Variants in DOCK3 observed in about 807,000 individuals in gnomAD.
DOCK3 encodes dedicator of cytokinesis 3.
In DOCK3, 60 loss-of-function variants were observed where a neutral mutation model predicts 265.6. The observed-to-expected ratio is 0.23, with a 90% CI of 0.18 to 0.28. DOCK3 has a LOEUF of 0.28. Ranked by LOEUF, DOCK3 falls within the 10% of genes least tolerant of loss-of-function variation. The pLI, the probability that DOCK3 is intolerant of heterozygous loss-of-function variation, is 1.00. For synonymous variants in DOCK3, 881 were observed against 938.0 expected (o/e 0.94, Z 1.11); for missense variants, 1,981 against 2,594.3 (o/e 0.76, Z 5.14).
intron 5 of DOCK3, among the ~76,000 whole-genome samples, chr3:50,978,477 C>A (rs1196113745): frequency 1.3e-5 from 2 of 152,168 alleles, no homozygotes; most frequent in Admixed American, 6.5e-5. Flanking sequence ...TGTCAGGGAC[C>A]CTCTTGAGGA....
intron 2 of DOCK3, among the ~76,000 whole-genome samples, chr3:50,806,665 A>G (rs908861687): frequency 4.6e-5 from 7 of 151,932 alleles, no homozygotes; most frequent in African/African-American, 1.5e-4. Flanking sequence ...CTTGAGCCCA[A>G]GCTTTGTGCA....
chr3:50,694,149 A>G (rs550004920), intron 1 of DOCK3, among the ~76,000 whole-genome samples: 1 of 152,190 alleles, frequency 6.6e-6, no homozygotes, highest in South Asian at 2.1e-4. Flanking sequence ...GGGCGCCTGT[A>G]ATCCCAGCTA....
chr3:50,694,001 G>A (rs1412614210), intron 1 of DOCK3, among the ~76,000 whole-genome samples: 1 of 151,518 alleles, frequency 6.6e-6, no homozygotes, highest in East Asian at 2.0e-4. Flanking sequence ...AAGTGTGGTG[G>A]CTCACGCCTG....
chr3:50,703,445 G>A (rs1481415859), intron 1 of DOCK3, among the ~76,000 whole-genome samples: 1 of 152,032 alleles, frequency 6.6e-6, no homozygotes, highest in Admixed American at 6.6e-5. Context: ...GTAGAATTTA[G>A]CAGTAAAGCC....
intron 1 of DOCK3, among the ~76,000 whole-genome samples, chr3:50,710,611 A>C (rs1266677945): frequency 6.6e-6 from 1 of 152,264 alleles, no homozygotes; most frequent in Non-Finnish European, 1.5e-5. Context: ...AGATTCCTTA[A>C]ATAACTAAAA....
At chr3:50,767,698 A>G (rs2040987553) in intron 1 of DOCK3, among the ~76,000 whole-genome samples, 1 of 152,156 alleles carries the variant, frequency 6.6e-6, no homozygotes, top group Non-Finnish European at 1.5e-5. Flanking sequence ...GAATCTATAA[A>G]TTACCTTGGG....
chr3:50,857,363 C>G (rs896110825), intron 3 of DOCK3, among the ~76,000 whole-genome samples: 1 of 152,110 alleles, frequency 6.6e-6, no homozygotes, highest in Non-Finnish European at 1.5e-5. Context: ...TCATATTGGT[C>G]TGTTCAGGAC....
intron 9 of DOCK3, among the ~76,000 whole-genome samples, chr3:51,099,781 T>C (rs923233429): frequency 2.0e-5 from 3 of 152,220 alleles, no homozygotes; most frequent in African/African-American, 4.8e-5. Flanking sequence ...AAGTAAATTG[T>C]ATCATATTTG....
chr3:51,194,063 A>T (rs1340142980), intron 12 of DOCK3, among the ~76,000 whole-genome samples: 1 of 151,600 alleles, frequency 6.6e-6, no homozygotes, highest in Non-Finnish European at 1.5e-5. Context: ...CCCTCTTAGC[A>T]CTGCTTTTAC....
At chr3:51,294,595 G>C (rs1022102071) in intron 27 of DOCK3, among the ~76,000 whole-genome samples, 1 of 151,098 alleles carries the variant, frequency 6.6e-6, no homozygotes, top group African/African-American at 2.4e-5. Context: ...GGAAGATGGC[G>C]TGAACCCGGG....
chr3:50,978,976 G>A (rs2077587662), intron 5 of DOCK3, among the ~76,000 whole-genome samples: 1 of 152,310 alleles, frequency 6.6e-6, no homozygotes, highest in East Asian at 1.9e-4. Flanking sequence ...CGCTTCCCGA[G>A]TGAGGCAATG....
intron 12 of DOCK3, among the ~76,000 whole-genome samples, chr3:51,191,388 A>G (rs937352631): frequency 1.4e-4 from 22 of 152,108 alleles, no homozygotes; most frequent in African/African-American, 4.8e-4. Flanking sequence ...AGAATGAGGA[A>G]TGGCTTCCCT....
chr3:51,096,707 T>C (rs2082872050), intron 9 of DOCK3, among the ~76,000 whole-genome samples: 1 of 152,216 alleles, frequency 6.6e-6, no homozygotes, highest in African/African-American at 2.4e-5. Flanking sequence ...TTGTGATCCT[T>C]TGGAGAAGAG....
intron 19 of DOCK3, among the ~76,000 whole-genome samples, chr3:51,234,195 G>A (rs114609015): frequency 6.6e-6 from 1 of 152,180 alleles, no homozygotes; most frequent in Non-Finnish European, 1.5e-5. Context: ...CAACTGGGAT[G>A]AGGTGACATC....
chr3:50,782,912 C>T (rs1184994913), intron 2 of DOCK3, among the ~76,000 whole-genome samples: 1 of 151,070 alleles, frequency 6.6e-6, no homozygotes, highest in Non-Finnish European at 1.5e-5. Flanking sequence ...TCCTGAGTTA[C>T]TTCACTTAGA....
chr3:50,924,734 G>C (rs1227897487), intron 4 of DOCK3, among the ~76,000 whole-genome samples: 1 of 152,226 alleles, frequency 6.6e-6, no homozygotes, highest in African/African-American at 2.4e-5. Flanking sequence ...TGTGGTGTCA[G>C]ATCAGCCTTG....
chr3:51,274,956 C>A, intron 24 of DOCK3, 123 bp from the exon 25 acceptor site: 1 of 1,157,472 alleles, frequency 8.6e-7, no homozygotes, highest in Admixed American at 1.8e-5. Flanking sequence ...AGATTACCTT[C>A]ACTTTTGCTC....
At chr3:51,357,166 C>A in intron 44 of DOCK3, 25 bp downstream of exon 44, 1 of 1,599,984 alleles carries the variant, frequency 6.3e-7, no homozygotes, top group Non-Finnish European at 8.5e-7. Context: ...CAGGCCAAAC[C>A]CATGCAGCCA....
intron 3 of DOCK3, among the ~76,000 whole-genome samples, chr3:50,878,567 A>G (rs1402648397): frequency 7.0e-6 from 1 of 141,858 alleles, no homozygotes; most frequent in South Asian, 2.1e-4. Flanking sequence ...AAGCAAGAAG[A>G]GAAGTTTAGA....
Sources: allele counts gnomAD v4.1 joint callset (sites outside exome capture counted in the v4.1 genomes callset), GRCh38; gene constraint gnomAD v4.1.1; transcripts MANE v1.5; gene names NCBI Gene and HGNC (gene_info 2026-07-23, HGNC 2026-07-21).